Variants in CTNND2 observed in about 807,000 individuals in gnomAD.
CTNND2 encodes the protein catenin delta 2.
A neutral mutation model predicts 144.4 loss-of-function variants in CTNND2; 22 were observed. That is an observed-to-expected ratio of 0.15 (90% CI 0.11 to 0.22). The LOEUF is 0.22. Ranked by LOEUF, CTNND2 falls within the 10% of genes least tolerant of loss-of-function variation. The probability of loss-of-function intolerance (pLI) is 1.00; values close to 1 mark genes in which losing one functional copy is unlikely to be tolerated. For missense variants in CTNND2, 1,353 were observed against 1,618.8 expected (o/e 0.84, Z 2.82); for synonymous variants, 751 against 695.6 (o/e 1.08, Z -1.25).
chr5:11,622,537 G>T (rs1452240103), intron 2 of CTNND2, among the ~76,000 whole-genome samples: 1 of 152,052 alleles, frequency 6.6e-6, no homozygotes, highest in Non-Finnish European at 1.5e-5. Context: ...TGATGATTTG[G>T]TCGTATTCCA....
intron 1 of CTNND2, among the ~76,000 whole-genome samples, chr5:11,733,212 A>T (rs549989625): frequency 6.6e-6 from 1 of 152,272 alleles, no homozygotes; most frequent in Non-Finnish European, 1.5e-5. Context: ...TGTTGGTCAG[A>T]AGTTCTGAGG....
chr5:11,381,541 T>C (rs1292724164), intron 7 of CTNND2, among the ~76,000 whole-genome samples: 1 of 152,230 alleles, frequency 6.6e-6, no homozygotes, highest in Non-Finnish European at 1.5e-5. Flanking sequence ...GAACTTGCTG[T>C]TCCTCCTGCT....
At chr5:11,584,230 T>C (rs2190989) in intron 2 of CTNND2, among the ~76,000 whole-genome samples, 62,671 of 151,886 alleles carry the variant, frequency 0.41, 13,412 homozygotes, top group Middle Eastern at 0.6. Flanking sequence ...ATGCAATAAA[T>C]AACCATCTTC....
intron 2 of CTNND2, among the ~76,000 whole-genome samples, chr5:11,575,750 T>C (rs900450397): frequency 1.3e-5 from 2 of 152,134 alleles, no homozygotes; most frequent in African/African-American, 4.8e-5. Flanking sequence ...CTTCTGATGG[T>C]TTCTGACACA....
chr5:11,777,862 A>G (rs1790340215), intron 1 of CTNND2, among the ~76,000 whole-genome samples: 1 of 152,140 alleles, frequency 6.6e-6, no homozygotes, highest in Non-Finnish European at 1.5e-5. Flanking sequence ...TGATTTTGAG[A>G]TATCTAAATG....
chr5:11,347,569 A>G (rs1202777668), intron 8 of CTNND2, among the ~76,000 whole-genome samples: 3 of 152,188 alleles, frequency 2.0e-5, no homozygotes, highest in African/African-American at 7.2e-5. Context: ...AGCATCTTTC[A>G]TTTCAGTAGA....
intron 3 of CTNND2, among the ~76,000 whole-genome samples, chr5:11,521,539 A>G (rs1772714070): frequency 6.6e-6 from 1 of 152,214 alleles, no homozygotes; most frequent in South Asian, 2.1e-4. Context: ...TCTCACCACC[A>G]TCATTAAACA....
chr5:11,375,006 T>A (rs1481816273), intron 7 of CTNND2, among the ~76,000 whole-genome samples: 1 of 152,108 alleles, frequency 6.6e-6, no homozygotes, highest in African/African-American at 2.4e-5. Context: ...AAGAATAGGA[T>A]TAAACATGCA....
At position 11,240,585 on chromosome 5, in the gene CTNND2, T is replaced by TAC. The variant is rs201829349; in HGVS notation, c.1629-3764_1629-3763dup. On this transcript the variant is annotated intron_variant, in intron 9 of 21. Coordinates refer to ENST00000304623, the MANE Select transcript of CTNND2 (RefSeq NM_001332.4). Reference sequence around the variant, plus strand: ...TCAAAACACACACCCAACACACACATACTCAGCACACACACCCAACACACA... The same window carrying TAC: ...TCAAAACACACACCCAACACACACATACACTCAGCACACACACCCAACACACA... Among the ~76,000 whole-genome samples the TAC allele has an allele frequency of 5.3e-3, 239 of 45,144 alleles. 2 individuals carry two copies. Among genetic ancestry groups the TAC allele is most frequent in the African/African-American group, 0.019 (215 of 11,340 alleles). 29.6% of individuals were successfully genotyped at this position (45,144 alleles called of 152,430 possible).
intron 2 of CTNND2, among the ~76,000 whole-genome samples, chr5:11,592,128 T>TGCC (rs1779272550): frequency 1.5e-5 from 2 of 135,602 alleles, no homozygotes; most frequent in African/African-American, 5.9e-5. Context: ...TCCTTCCTTC[T>TGCC]TTCCTGCCTT....
At chr5:11,614,932 T>C (rs528788268) in intron 2 of CTNND2, among the ~76,000 whole-genome samples, 10 of 152,320 alleles carry the variant, frequency 6.6e-5, no homozygotes, top group African/African-American at 1.4e-4. Context: ...TAAATGAATA[T>C]ACATATAGCA....
chr5:11,145,267 T>A (rs752917642), intron 12 of CTNND2, among the ~76,000 whole-genome samples: 1 of 151,954 alleles, frequency 6.6e-6, no homozygotes, highest in Non-Finnish European at 1.5e-5. Context: ...AGCAAAAAAA[T>A]ACAGGATGAA....
At chr5:11,850,137 G>A (rs981298790) in intron 1 of CTNND2, among the ~76,000 whole-genome samples, 4 of 151,986 alleles carry the variant, frequency 2.6e-5, no homozygotes, top group Non-Finnish European at 5.9e-5. Context: ...GAGGCTGAGG[G>A]GTAGGGATAT....
intron 2 of CTNND2, among the ~76,000 whole-genome samples, chr5:11,627,071 A>T (rs965188325): frequency 6.6e-6 from 1 of 152,202 alleles, no homozygotes; most frequent in Non-Finnish European, 1.5e-5. Flanking sequence ...GCTGGTGATC[A>T]CTATGCTCCA....
intron 1 of CTNND2, among the ~76,000 whole-genome samples, chr5:11,810,501 A>T (rs6554648): frequency 0.96 from 146,606 of 152,222 alleles, 70,842 homozygotes; most frequent in East Asian, 1. Flanking sequence ...TTGCATTAAA[A>T]GTTTAAATGT....
intron 1 of CTNND2, among the ~76,000 whole-genome samples, chr5:11,836,471 C>G (rs1794186976): frequency 6.6e-6 from 1 of 151,852 alleles, no homozygotes; most frequent in Non-Finnish European, 1.5e-5. Context: ...CACTATGGTT[C>G]TGCAAAGTCT....
chr5:11,249,200 G>A (rs939911242), intron 9 of CTNND2, among the ~76,000 whole-genome samples: 2 of 152,114 alleles, frequency 1.3e-5, no homozygotes, highest in Admixed American at 1.3e-4. Flanking sequence ...TAGGCCATGT[G>A]GTGTGGCATT....
chr5:11,504,952 A>G (rs771968870), intron 3 of CTNND2, among the ~76,000 whole-genome samples: 1 of 151,858 alleles, frequency 6.6e-6, no homozygotes, highest in Non-Finnish European at 1.5e-5. Context: ...GAGACCCCAC[A>G]TGGCCTCCTT....
chr5:11,502,668 G>A (rs970723317), intron 3 of CTNND2, among the ~76,000 whole-genome samples: 4 of 152,040 alleles, frequency 2.6e-5, no homozygotes, highest in South Asian at 2.1e-4. Context: ...CAAAGAATCC[G>A]GGAACATTTG....
Sources: allele counts gnomAD v4.1 joint callset (sites outside exome capture counted in the v4.1 genomes callset), GRCh38; gene constraint gnomAD v4.1.1; transcripts MANE v1.5; gene names NCBI Gene and HGNC (gene_info 2026-07-23, HGNC 2026-07-21).